The following GPBP1 variants were observed in gnomAD, a reference collection of about 807,000 sequenced individuals.
The protein encoded by GPBP1 is GC-rich promoter binding protein 1.
Under a neutral mutation model 56.5 loss-of-function variants are expected in GPBP1, and 13 were observed. The observed-to-expected ratio is 0.23, with a 90% confidence interval of 0.15 to 0.37. The LOEUF (loss-of-function observed/expected upper bound fraction) is 0.37, where lower values mean the gene tolerates loss of function less well. GPBP1 is among the 10% of genes least tolerant of loss of function. The pLI, the probability that GPBP1 is intolerant of heterozygous loss-of-function variation, is 1.00. For synonymous variants in GPBP1, 204 were observed against 188.9 expected (o/e 1.08, Z -0.66); for missense variants, 477 against 572.3 (o/e 0.83, Z 1.70).
chr5:57,190,510 G>A (rs1318898796), intron 2 of GPBP1, among the ~76,000 whole-genome samples: 4 of 151,678 alleles, frequency 2.6e-5, no homozygotes, highest in African/African-American at 4.8e-5. Flanking sequence ...CTTGAACCCA[G>A]GAGGTGGAGG....
rs1561370787 is a variant in GPBP1, at chr5:57,247,194, A to G, written c.783A>G (p.Pro261=). ...AATCAACTGCCAAGAACTTTAGTCC[A>G]TCTACAAATTCAGTGAAAGAGGTAT... ...AFKSTAKNFS[P]STNSVKECNR... Residue 261 remains proline, a synonymous_variant, in exon 8 of 12, where the codon CCA becomes CCG. Coordinates refer to ENST00000506184, the MANE Select transcript of GPBP1 (RefSeq NM_022913.4). 1.2e-6 allele frequency: 2 copies of G among 1,613,076 alleles called. No individual in the cohort carries two copies. The highest frequency in any genetic ancestry group is 1.7e-5 in the Admixed American group (1 of 59,830).
chr5:57,247,170 A>G lies in GPBP1; in HGVS notation c.759A>G (p.Lys253=), dbSNP rs772539048. Reference sequence around the variant, plus strand: ...GCGTTGGCAACTTTAATGCTTTTAAATCAACTGCCAAGAACTTTAGTCCAT... The same window carrying G: ...GCGTTGGCAACTTTAATGCTTTTAAGTCAACTGCCAAGAACTTTAGTCCAT... ...TFGVGNFNAF[K]STAKNFSPST... The change falls in exon 8 of 12, where the codon AAA becomes AAG. Residue 253 remains lysine, a synonymous_variant. Coordinates refer to ENST00000506184, the MANE Select transcript of GPBP1 (RefSeq NM_022913.4). 1.7e-5 allele frequency: 28 copies of G among 1,613,758 alleles called. No individual in the cohort carries two copies. The highest frequency in any genetic ancestry group is 4.5e-5 in the East Asian group (2 of 44,832).
rs1046976081 is a variant in GPBP1 at position 57,263,839 on chromosome 5, C to A, written c.*1087C>A. 3.9e-5 allele frequency: 6 copies of A among 152,052 alleles called. No individual in the cohort carries two copies. The East Asian group carries it at 1.2e-3, about 29-fold the overall frequency. 9.4% of individuals were successfully genotyped at this position (152,052 alleles called of 1,614,324 possible). ...GGAATTGTTTCTGTTTTGCTGCTGA[C>A]GGAAATACTATTTTGGCTCTGTGTA... On this transcript the variant is annotated 3_prime_UTR_variant, in exon 12 of 12. Transcript: ENST00000506184.
chr5:57,231,250 A>G lies in GPBP1; in HGVS notation c.340A>G (p.Asn114Asp). Residue 114 changes from asparagine (N) to aspartate (D), a missense_variant, in exon 5 of 12, where the codon AAC becomes GAC. Coordinates refer to ENST00000506184, the MANE Select transcript of GPBP1 (RefSeq NM_022913.4). The part of the protein sequence containing the change: ...AGKSQGLHEN[N>D]IPDNETGRKE... ...AAAAAGCCAAGGACTACATGAAAAC[A>G]ACATACCTGACAATGAAACCGGGAG... 1.9e-6 allele frequency: 3 copies of G among 1,614,190 alleles called. No homozygotes were observed. The highest frequency in any genetic ancestry group is 2.5e-6 in the Non-Finnish European group (3 of 1,180,000).
chr5:57,177,873 A>AT (rs1000174319), intron 2 of GPBP1, among the ~76,000 whole-genome samples: 64 of 148,118 alleles, frequency 4.3e-4, no homozygotes, highest in East Asian at 2.0e-3. Context: ...TTTTGAACCA[A>AT]TTTTTTTTTT....
chr5:57,221,309 A>G (rs1382614444), intron 3 of GPBP1: 1 of 1,131,452 alleles, frequency 8.8e-7, no homozygotes, highest in Non-Finnish European at 1.2e-6. Context: ...TTCTTTTGTG[A>G]TTTTCTAGTT....
At chr5:57,255,985 A>G (rs1741639653) in intron 10 of GPBP1, among the ~76,000 whole-genome samples, 1 of 152,158 alleles carries the variant, frequency 6.6e-6, no homozygotes, top group South Asian at 2.1e-4. Context: ...GGCTGGGGAC[A>G]ATGACTCACG....
chr5:57,247,219 T>G lies in GPBP1; in HGVS notation c.804+4T>G, dbSNP rs1285730960. On this transcript the variant is annotated splice_donor_region_variant and intron_variant, in intron 8 of 11. Transcript: ENST00000506184. ...ATCTACAAATTCAGTGAAAGAGGTA[T>G]GACATTAAAAATCACACTTGAGGAA... The G allele has an allele frequency of 2.5e-6, 4 of 1,606,692 alleles. No individual in the cohort carries two copies. The highest frequency in any genetic ancestry group is 2.5e-6 in the Non-Finnish European group (3 of 1,176,584).
chr5:57,254,650 G>T (rs1741559871), intron 10 of GPBP1, among the ~76,000 whole-genome samples: 1 of 150,690 alleles, frequency 6.6e-6, no homozygotes. Flanking sequence ...AGCCGAGATC[G>T]TGCCATTGCA....
chr5:57,216,084 A>G (rs905439892), intron 3 of GPBP1, among the ~76,000 whole-genome samples: 6 of 152,194 alleles, frequency 3.9e-5, no homozygotes, highest in African/African-American at 1.2e-4. Flanking sequence ...AGCAAGAGCA[A>G]TTAGGGCCTC....
At chr5:57,182,405 C>G (rs1281269796) in intron 2 of GPBP1, among the ~76,000 whole-genome samples, 3 of 151,394 alleles carry the variant, frequency 2.0e-5, no homozygotes, top group African/African-American at 7.3e-5. Flanking sequence ...TGGAGTCTCA[C>G]TCTGTCGCCC....
At chr5:57,258,838 G>A (rs1258322500) in intron 10 of GPBP1, among the ~76,000 whole-genome samples, 2 of 152,174 alleles carry the variant, frequency 1.3e-5, no homozygotes, top group African/African-American at 4.8e-5. Flanking sequence ...TGGTGGAGAA[G>A]TAGAAATACT....
chr5:57,184,120 T>C (rs561979040), intron 2 of GPBP1, among the ~76,000 whole-genome samples: 2 of 152,088 alleles, frequency 1.3e-5, no homozygotes, highest in East Asian at 3.9e-4. Context: ...TAATCCCAGC[T>C]ACTTGGGAGG....
intron 10 of GPBP1, among the ~76,000 whole-genome samples, chr5:57,258,634 T>A (rs1741766111): frequency 6.6e-6 from 1 of 152,156 alleles, no homozygotes; most frequent in Admixed American, 6.5e-5. Flanking sequence ...AAACACAGAT[T>A]GTTTTTATTT....
Position 57,262,818 on chromosome 5 carries a change from TA to T in GPBP1, c.*71del. On this transcript the variant is annotated 3_prime_UTR_variant, in exon 12 of 12. Coordinates refer to ENST00000506184, the MANE Select transcript of GPBP1 (RefSeq NM_022913.4). Reference sequence around the variant, plus strand: ...CTCTCATACAGTTTGGGGTGAATTGTAAAAATGAAGAACTATAATTTATGTA... The same window carrying T: ...CTCTCATACAGTTTGGGGTGAATTGTAAAATGAAGAACTATAATTTATGTA... The T allele has an allele frequency of 7.1e-7, 1 of 1,412,306 alleles. No homozygotes were observed. 87.5% of individuals were successfully genotyped at this position (1,412,306 alleles called of 1,614,324 possible).
chr5:57,226,995 T>C (rs1756228606), intron 3 of GPBP1, among the ~76,000 whole-genome samples: 1 of 152,042 alleles, frequency 6.6e-6, no homozygotes, highest in Admixed American at 6.6e-5. Context: ...TGCCTTGGCC[T>C]CCCAAAGTGC....
chr5:57,215,985 C>CT lies in GPBP1; in HGVS notation c.63+1795dup, dbSNP rs1302457729. Among the ~76,000 whole-genome samples, 4 of 152,272 alleles carry CT rather than the reference C, an allele frequency of 2.6e-5. No homozygotes were observed. In the East Asian group the frequency reaches 5.8e-4, roughly 22 times the overall value. On this transcript the variant is annotated intron_variant, in intron 3 of 11. Coordinates refer to ENST00000506184, the MANE Select transcript of GPBP1 (RefSeq NM_022913.4). ...GACTGCTTCTTACCCTTGGCAAAAT[C>CT]TTTGAGTCATTACTCCACGCGCTAG...
intron 2 of GPBP1, among the ~76,000 whole-genome samples, chr5:57,191,320 C>T (rs370452256): frequency 1.3e-5 from 2 of 151,600 alleles, no homozygotes; most frequent in African/African-American, 4.9e-5. Context: ...TCTTGAACTC[C>T]GGACCTTAAG....
intron 2 of GPBP1, among the ~76,000 whole-genome samples, chr5:57,191,988 C>G (rs1294601847): frequency 6.6e-6 from 1 of 152,128 alleles, no homozygotes; most frequent in Non-Finnish European, 1.5e-5. Flanking sequence ...GATAAATATC[C>G]ACAGAGCTTT....
Sources: gnomAD v4.1 joint callset for allele counts (sites outside exome capture counted in the v4.1 genomes callset) on GRCh38, gnomAD v4.1.1 for gene constraint, MANE v1.5 for transcripts, NCBI Gene and HGNC (gene_info 2026-07-23, HGNC 2026-07-21) for gene names.